The following ANKS1A variants were observed in gnomAD, a reference collection of about 807,000 sequenced individuals.
The protein encoded by ANKS1A is ankyrin repeat and sterile alpha motif domain containing 1A, also known as ankyrin repeat and SAM domain-containing protein 1A.
ANKS1A carries 55 observed loss-of-function variants against 120.3 expected under a neutral mutation model. The ratio of observed to expected loss-of-function variants is 0.46; its 90% CI spans 0.37 to 0.57. The LOEUF (loss-of-function observed/expected upper bound fraction) is 0.57. ANKS1A is among the 20% of genes least tolerant of loss of function. The pLI, the probability that ANKS1A is intolerant of heterozygous loss-of-function variation, is 0.00. For synonymous variants in ANKS1A, 590 were observed against 604.7 expected (o/e 0.98, Z 0.36); for missense variants, 1,123 against 1,480.3 (o/e 0.76, Z 3.96).
chr6:35,044,704 C>T lies in ANKS1A; in HGVS notation c.2011-9395C>T, dbSNP rs1323161602. On this transcript the variant is annotated intron_variant, in intron 11 of 23. Transcript: ENST00000360359. This position sits in a 1 kb window ranked among gnomAD's most constrained non-coding sequence, Gnocchi z 4.4. ...CACAACATGTTCTAAACGTTCTCTGCCAAAAGGAAGCCCTTTCCCTCTGGT... is the reference window on the plus strand; with the variant it reads ...CACAACATGTTCTAAACGTTCTCTGTCAAAAGGAAGCCCTTTCCCTCTGGT... Among the ~76,000 whole-genome samples, 2 of 152,236 alleles carry T rather than the reference C, an allele frequency of 1.3e-5. No homozygotes were observed. Among genetic ancestry groups the T allele is most frequent in the African/African-American group, 4.8e-5 (2 of 41,448 alleles).
intron 10 of ANKS1A, among the ~76,000 whole-genome samples, chr6:35,001,944 A>C (rs887906597): frequency 6.6e-6 from 1 of 152,220 alleles, no homozygotes; most frequent in Non-Finnish European, 1.5e-5. Flanking sequence ...CCCCATGTCT[A>C]AGGGCCCTGG....
At chr6:35,005,820 A>G (rs1773418835) in intron 10 of ANKS1A, 1 of 425,514 alleles carries the variant, frequency 2.4e-6, no homozygotes, top group Non-Finnish European at 4.6e-6. Context: ...TGGGACCCCA[A>G]GGTGGGTGGA....
At chr6:35,047,380 C>A (rs912330616) in intron 11 of ANKS1A, among the ~76,000 whole-genome samples, 1 of 152,142 alleles carries the variant, frequency 6.6e-6, no homozygotes, top group Non-Finnish European at 1.5e-5. Flanking sequence ...CTGGTTTTAT[C>A]CACAGCCAGA....
chr6:34,913,187 A>G (rs956490166), intron 1 of ANKS1A, among the ~76,000 whole-genome samples: 1 of 152,226 alleles, frequency 6.6e-6, no homozygotes, highest in African/African-American at 2.4e-5. Flanking sequence ...AAGGTTGTTC[A>G]TGTACCCCCC....
At chr6:34,973,545 T>C (rs1771289830) in intron 3 of ANKS1A, among the ~76,000 whole-genome samples, 1 of 152,200 alleles carries the variant, frequency 6.6e-6, no homozygotes, top group South Asian at 2.1e-4. Context: ...CAGTCTGGAG[T>C]GTGCTCAAGA....
At chr6:35,045,851 T>G (rs1015631777) in intron 11 of ANKS1A, among the ~76,000 whole-genome samples, 1 of 152,102 alleles carries the variant, frequency 6.6e-6, no homozygotes, top group African/African-American at 2.4e-5. Context: ...GCCCAGGACC[T>G]AACACCCTGC....
At chr6:35,078,245 G>A (rs1015536936) in intron 13 of ANKS1A, among the ~76,000 whole-genome samples, 1 of 152,180 alleles carries the variant, frequency 6.6e-6, no homozygotes, top group Non-Finnish European at 1.5e-5. Flanking sequence ...CATGGAACCT[G>A]CTCCCCAGAA....
chr6:35,086,158 G>C lies in ANKS1A; in HGVS notation c.3303+222G>C, dbSNP rs904961824. The C allele has an allele frequency of 2.5e-6, 3 of 1,202,304 alleles. No individual in the cohort carries two copies. The African/African-American group carries it at 4.5e-5, about 18-fold the overall frequency. 74.5% of individuals were successfully genotyped at this position (1,202,304 alleles called of 1,614,324 possible). A position where few individuals can be genotyped will look rare whatever the true frequency, so the allele number is the denominator to read the frequency against. ...TCTCATGCTCCTGTTTCCCTCCCTC[G>C]CTGGGCTCCCCCAAGGGCAAGGCCG... On this transcript the variant is annotated intron_variant, in intron 22 of 23. Coordinates refer to ENST00000360359, the MANE Select transcript of ANKS1A (RefSeq NM_015245.3). The surrounding 1 kb of genome is among the most constrained non-coding windows in gnomAD (Gnocchi z 5.1).
At chr6:35,064,422 C>T (rs902879207) in intron 13 of ANKS1A, among the ~76,000 whole-genome samples, 11 of 152,186 alleles carry the variant, frequency 7.2e-5, no homozygotes, top group African/African-American at 1.9e-4. Flanking sequence ...GATAGGCCCC[C>T]GCTGTCTTCC....
Position 34,985,208 on chromosome 6 carries a change from G to A in ANKS1A, c.1139G>A (p.Arg380Gln), listed in dbSNP as rs574027877. 15 of 1,614,190 alleles carry A rather than the reference G, an allele frequency of 9.3e-6. No individual in the cohort carries two copies. In the East Asian group the frequency reaches 2.5e-4, roughly 26 times the overall value. The change falls in exon 8 of 24, where the codon CGA becomes CAA. Residue 380 changes from arginine to glutamine, a missense_variant. Around this residue, in one of 3 missense-constraint regions of ANKS1A, gnomAD observed 904 missense variants for 1,130.4 expected, o/e 0.80. Coordinates refer to ENST00000360359, the MANE Select transcript of ANKS1A (RefSeq NM_015245.3). ...CHSLDSMASG[R>Q]SSDQDSTNKE... Reference sequence around the variant, plus strand: ...TCGTTGGACAGCATGGCCAGCGGGCGATCATCTGACCAAGACTCCACGAAC... The same window carrying A: ...TCGTTGGACAGCATGGCCAGCGGGCAATCATCTGACCAAGACTCCACGAAC...
intron 1 of ANKS1A, among the ~76,000 whole-genome samples, chr6:34,946,606 GGT>G (rs1769813517): frequency 6.6e-6 from 1 of 151,504 alleles, no homozygotes; most frequent in Non-Finnish European, 1.5e-5. Context: ...AAAAAGGGGG[GGT>G]TAATCTGGCT....
chr6:35,032,248 C>A (rs1241180050), intron 11 of ANKS1A, among the ~76,000 whole-genome samples: 2 of 152,136 alleles, frequency 1.3e-5, no homozygotes, highest in African/African-American at 4.8e-5. Context: ...TGCAGTCAGG[C>A]TTAGGGAGGC....
At chr6:34,918,465 A>G (rs1015489966) in intron 1 of ANKS1A, among the ~76,000 whole-genome samples, 3 of 152,214 alleles carry the variant, frequency 2.0e-5, no homozygotes, top group African/African-American at 7.2e-5. Context: ...TGTGCTTATT[A>G]AATGCTAGCT....
rs769104342 is a variant in ANKS1A, at chr6:35,081,055, G to A, written c.2606G>A (p.Arg869Gln). Residue 869 changes from arginine (R) to glutamine (Q), a missense_variant, in exon 17 of 24, where the codon CGG becomes CAG. This residue lies in a region of ANKS1A where 904 missense variants were observed against 1,130.4 expected (regional missense o/e 0.80). Coordinates refer to ENST00000360359, the MANE Select transcript of ANKS1A (RefSeq NM_015245.3). ...PLSQNDSCTG[R>Q]SADLLLPPGD... ...AGTCAGAATGATTCCTGCACTGGGCGGTCGGCAGATCTGCTGCTGCCTCCA... is the reference window on the plus strand; with the variant it reads ...AGTCAGAATGATTCCTGCACTGGGCAGTCGGCAGATCTGCTGCTGCCTCCA... 38 of 1,613,920 alleles carry A rather than the reference G, an allele frequency of 2.4e-5. No homozygotes were observed. Among genetic ancestry groups the A allele is most frequent in the Admixed American group, 6.7e-5 (4 of 60,000 alleles).
intron 12 of ANKS1A, among the ~76,000 whole-genome samples, chr6:35,055,324 TAA>T (rs143014927): frequency 1.3e-5 from 2 of 150,848 alleles, no homozygotes; most frequent in Non-Finnish European, 3.0e-5. Context: ...AAGTAGTAGA[TAA>T]AAAAAAATTT....
the ANKS1A span, among the ~76,000 whole-genome samples, chr6:35,097,434 A>G: frequency 6.6e-6 from 1 of 151,788 alleles, no homozygotes; most frequent in Non-Finnish European, 1.5e-5. Flanking sequence ...GCTTGAACCC[A>G]GGAGGCAGAG....
chr6:35,071,667 C>G (rs536013651), intron 13 of ANKS1A, among the ~76,000 whole-genome samples: 1 of 152,350 alleles, frequency 6.6e-6, no homozygotes, highest in South Asian at 2.1e-4. Context: ...GTACCAGATG[C>G]TGTCTGGCAG....
intron 13 of ANKS1A, among the ~76,000 whole-genome samples, chr6:35,066,807 A>G (rs1776799499): frequency 6.6e-6 from 1 of 152,122 alleles, no homozygotes; most frequent in Admixed American, 6.5e-5. Flanking sequence ...GGTCAGGCCA[A>G]GTGGTTCCTG....
chr6:34,949,484 T>G (rs534929972), intron 1 of ANKS1A, among the ~76,000 whole-genome samples: 1 of 152,254 alleles, frequency 6.6e-6, no homozygotes, highest in Non-Finnish European at 1.5e-5. Context: ...ATAGAGAATG[T>G]TTTTTGGTTT....
Sources: gnomAD v4.1 joint callset for allele counts (sites outside exome capture counted in the v4.1 genomes callset) on GRCh38, gnomAD v4.1.1 for gene constraint, gnomAD v4.1.1 regional missense constraint, Gnocchi (gnomAD v3.1) non-coding constraint, MANE v1.5 for transcripts, NCBI Gene and HGNC (gene_info 2026-07-23, HGNC 2026-07-21) for gene names.